DDAH1: variants seen among roughly 807,000 people sequenced by gnomAD.
DDAH1 encodes N(G),N(G)-dimethylarginine dimethylaminohydrolase 1.
DDAH1 carries 19 observed loss-of-function variants against 28.8 expected under a neutral mutation model. That is an observed-to-expected ratio of 0.66 (90% CI 0.46 to 0.97). The LOEUF (loss-of-function observed/expected upper bound fraction) is 0.97. Among genes scored for constraint, DDAH1 ranks in the 50% least tolerant of loss-of-function variants. The pLI is 0.00. For synonymous variants in DDAH1, 153 were observed against 154.4 expected (o/e 0.99, Z 0.07); for missense variants, 326 against 375.9 (o/e 0.87, Z 1.10).
At chr1:85,459,121 A>G (rs1456948759) in intron 1 of DDAH1, among the ~76,000 whole-genome samples, 1 of 152,266 alleles carries the variant, frequency 6.6e-6, no homozygotes, top group African/African-American at 2.4e-5. Flanking sequence ...AAAAGTTGTA[A>G]GTAGATTTTT....
chr1:85,547,435 C>T (rs1176535938), intron 1 of DDAH1, among the ~76,000 whole-genome samples: 1 of 152,136 alleles, frequency 6.6e-6, no homozygotes, highest in South Asian at 2.1e-4. Context: ...TAAATTAGAA[C>T]CTTAGTCCTG....
rs527269349 is a variant in DDAH1 at position 85,505,160 on chromosome 1, T to C, written c.-122-8879A>G. 4.6e-5 allele frequency among the ~76,000 whole-genome samples: 7 copies of C among 152,012 alleles called. No homozygotes were observed. In the East Asian group the frequency reaches 9.7e-4, roughly 21 times the overall value. On this transcript the variant is annotated intron_variant, in intron 1 of 6. Coordinates refer to the DDAH1 transcript ENST00000426972. ...ACCACCATGCCCGGCTGATTTTTTT[T>C]ATTTTTAGTAGAGACAGAGTTGCAC...
intron 1 of DDAH1, among the ~76,000 whole-genome samples, chr1:85,389,046 A>G (rs1357974742): frequency 6.6e-6 from 1 of 152,158 alleles, no homozygotes; most frequent in Admixed American, 6.5e-5. Context: ...AATGATCATT[A>G]ACAGTTGTTT....
intron 2 of DDAH1, among the ~76,000 whole-genome samples, chr1:85,475,751 G>T (rs747382269): frequency 7.9e-5 from 12 of 152,262 alleles, no homozygotes; most frequent in African/African-American, 2.6e-4. Flanking sequence ...GGGAGTAGAG[G>T]TTCCAAACTT....
At chr1:85,432,469 T>C (rs1653732131) in intron 1 of DDAH1, among the ~76,000 whole-genome samples, 1 of 152,148 alleles carries the variant, frequency 6.6e-6, no homozygotes, top group Admixed American at 6.6e-5. Flanking sequence ...TATTTTCGTG[T>C]GTATTGTTTC....
Position 85,559,371 on chromosome 1 carries a change from G to A in DDAH1, c.-123+18613C>T, listed in dbSNP as rs185049605. On this transcript the variant is annotated intron_variant, in intron 1 of 6. Coordinates refer to the DDAH1 transcript ENST00000426972. ...GATCTACATGTAATTTACTCCCCAA[G>A]ACAAAGCTCAATACTATTTAAAGAA... Among the ~76,000 whole-genome samples the A allele has an allele frequency of 2.8e-4, 42 of 152,096 alleles. No individual in the cohort carries two copies. In the East Asian group the frequency reaches 7.0e-3, roughly 25 times the overall value.
At chr1:85,426,085 T>C (rs1484263983) in intron 1 of DDAH1, among the ~76,000 whole-genome samples, 1 of 152,158 alleles carries the variant, frequency 6.6e-6, no homozygotes. Context: ...GATGAATACA[T>C]ACGTAACACT....
intron 4 of DDAH1, among the ~76,000 whole-genome samples, chr1:85,333,952 A>G (rs779233929): frequency 1.3e-5 from 2 of 152,090 alleles, no homozygotes; most frequent in African/African-American, 4.8e-5. Context: ...AATAGATACA[A>G]CCCCAAAAAA....
chr1:85,443,455 TAGC>T (rs1203907552), intron 1 of DDAH1, among the ~76,000 whole-genome samples: 1 of 152,186 alleles, frequency 6.6e-6, no homozygotes, highest in East Asian at 1.9e-4. Flanking sequence ...TGAAGTCAGG[TAGC>T]ATGATGCCTC....
chr1:85,429,507 T>C (rs1046344411), intron 1 of DDAH1, among the ~76,000 whole-genome samples: 3 of 152,208 alleles, frequency 2.0e-5, no homozygotes, highest in Non-Finnish European at 2.9e-5. Context: ...GTAGAATGAT[T>C]TATAATCCTT....
At position 85,321,027 on chromosome 1, in the gene DDAH1, T is replaced by C. The variant is rs1177129953; in HGVS notation, c.*425A>G. Reference sequence around the variant, plus strand: ...GTAAAAGAGAAAGGAGGAGGATCCCTGGACCAGGGACTTTCACAGGAACCA... The same window carrying C: ...GTAAAAGAGAAAGGAGGAGGATCCCCGGACCAGGGACTTTCACAGGAACCA... On this transcript the variant is annotated 3_prime_UTR_variant, in exon 6 of 6. Transcript: ENST00000284031. The C allele has an allele frequency of 2.1e-5, 3 of 141,750 alleles. No individual in the cohort carries two copies. The highest frequency in any genetic ancestry group is 1.5e-4 in the Admixed American group (2 of 12,978). 8.8% of individuals were successfully genotyped at this position (141,750 alleles called of 1,614,324 possible).
intron 1 of DDAH1, among the ~76,000 whole-genome samples, chr1:85,500,076 C>CTTTT (rs1557695833): frequency 5.5e-5 from 8 of 146,488 alleles, no homozygotes; most frequent in African/African-American, 2.0e-4. Flanking sequence ...TCTTTTCTTT[C>CTTTT]CTTTCCTTCC....
At chr1:85,457,971 G>A (rs188073478) in intron 1 of DDAH1, among the ~76,000 whole-genome samples, 9 of 152,156 alleles carry the variant, frequency 5.9e-5, no homozygotes, top group Admixed American at 2.6e-4. Flanking sequence ...TTACAGGCGT[G>A]AGCCACCACA....
chr1:85,360,012 A>G (rs926243269), intron 1 of DDAH1, among the ~76,000 whole-genome samples: 2 of 152,222 alleles, frequency 1.3e-5, no homozygotes, highest in Middle Eastern at 3.2e-3. Flanking sequence ...GATGACTCGA[A>G]TAGGGGACAA....
Position 85,346,267 on chromosome 1 carries a change from A to C in DDAH1, c.597+4148T>G, listed in dbSNP as rs116039176. On this transcript the variant is annotated intron_variant, in intron 4 of 5. Transcript: ENST00000284031. ...TAATATGCCCTTTAAAGAGATGCCCAAGTGACCAGGGACTTCTCTACAGAG... is the reference window on the plus strand; with the variant it reads ...TAATATGCCCTTTAAAGAGATGCCCCAGTGACCAGGGACTTCTCTACAGAG... 3.4e-3 allele frequency among the ~76,000 whole-genome samples: 523 copies of C among 152,298 alleles called. 2 individuals carry two copies. The highest frequency in any genetic ancestry group is 0.012 in the African/African-American group (496 of 41,564).
chr1:85,426,196 T>G (rs1653388907), intron 1 of DDAH1, among the ~76,000 whole-genome samples: 1 of 152,220 alleles, frequency 6.6e-6, no homozygotes, highest in African/African-American at 2.4e-5. Flanking sequence ...TCCCATTCCT[T>G]GTTTCCTTGG....
chr1:85,368,566 A>G (rs556443319), intron 1 of DDAH1, among the ~76,000 whole-genome samples: 4 of 152,184 alleles, frequency 2.6e-5, no homozygotes, highest in Non-Finnish European at 4.4e-5. Flanking sequence ...AAGCGGTTCA[A>G]TTCCTTGTTG....
intron 1 of DDAH1, among the ~76,000 whole-genome samples, chr1:85,396,040 G>C (rs1651799063): frequency 6.6e-6 from 1 of 152,052 alleles, no homozygotes; most frequent in Admixed American, 6.6e-5. Context: ...TTTATTATAA[G>C]AGTTAAGATT....
intron 1 of DDAH1, among the ~76,000 whole-genome samples, chr1:85,449,379 A>G (rs1654568161): frequency 6.6e-6 from 1 of 152,188 alleles, no homozygotes; most frequent in Admixed American, 6.5e-5. Context: ...GAAACCAACA[A>G]AAGGGGTCAA....
Sources: allele counts gnomAD v4.1 joint callset (sites outside exome capture counted in the v4.1 genomes callset), GRCh38; gene constraint gnomAD v4.1.1; transcripts MANE v1.5; gene names NCBI Gene and HGNC (gene_info 2026-07-23, HGNC 2026-07-21).